The following HERC5 variants were observed in gnomAD, a reference collection of about 807,000 sequenced individuals.
HERC5 encodes HECT and RLD domain containing E3 ubiquitin protein ligase 5, also known as E3 ISG15--protein ligase HERC5.
Under a neutral mutation model 119.6 loss-of-function variants are expected in HERC5, and 99 were observed. The observed-to-expected ratio is 0.83, with a 90% CI of 0.70 to 0.98. HERC5 has a LOEUF of 0.98. Ranked by LOEUF, HERC5 falls within the 50% of genes least tolerant of loss-of-function variation. The pLI is 0.00. For synonymous variants in HERC5, 478 were observed against 445.9 expected, an observed-to-expected ratio of 1.07 and a Z score of -0.91; for missense variants, 1,267 against 1,241.3, an observed-to-expected ratio of 1.02 and a Z score of -0.31.
chr4:88,504,272 G>A lies in HERC5; in HGVS notation c.2623G>A (p.Asp875Asn), dbSNP rs1742038627. The A allele has an allele frequency of 2.5e-6, 4 of 1,608,098 alleles. No homozygotes were observed. Among genetic ancestry groups the A allele is most frequent in the East Asian group, 2.2e-5 (1 of 44,806 alleles). Reference sequence around the variant, plus strand: ...TAAGTATATCAATTACATTTTCAACGACTCTGTAAAGGCGGTTTATGAAGA... The same window carrying A: ...TAAGTATATCAATTACATTTTCAACAACTCTGTAAAGGCGGTTTATGAAGA... ...VSKYINYIFN[D>N]SVKAVYEEFR... is the part of the protein sequence containing the mutation. The change falls in exon 21 of 23, where the codon GAC (aspartate) becomes AAC (asparagine). Residue 875 changes from aspartate to asparagine, a missense_variant. Around this residue, in one of 3 missense-constraint regions of HERC5, gnomAD observed 473 missense variants for 445.7 expected, o/e 1.06. Transcript: ENST00000264350.
In HERC5 at chr4:88,489,294, G is replaced by A; in HGVS notation, c.2091G>A (p.Gln697=). ...ACTTGATTGAGGATGTTTTGAATCA[G>A]CTAAGTCAATTTGAGAATGAAGACC... ...RNHLIEDVLN[Q]LSQFENEDLR... The change falls in exon 16 of 23, where the codon CAG becomes CAA. Residue 697 remains glutamine, a synonymous_variant. Coordinates refer to ENST00000264350, the MANE Select transcript of HERC5 (RefSeq NM_016323.4). 2 of 1,613,824 alleles carry A rather than the reference G, an allele frequency of 1.2e-6. No homozygotes were observed. The highest frequency in any genetic ancestry group is 1.7e-6 in the Non-Finnish European group (2 of 1,179,866).
chr4:88,459,473 AG>A lies in HERC5; in HGVS notation c.389+6del. ...AACTATAGCATGAAACATCTAAGGT[AG>A]GGAACTTTTTTCTTTTATTAAAAAT... On this transcript the variant is annotated splice_donor_region_variant and intron_variant, in intron 2 of 22. Coordinates refer to ENST00000264350, the MANE Select transcript of HERC5 (RefSeq NM_016323.4). 6.6e-7 allele frequency: 1 copy of A among 1,524,814 alleles called. No homozygotes were observed. Among genetic ancestry groups the A allele is most frequent in the Non-Finnish European group, 8.8e-7 (1 of 1,138,356 alleles). The allele number at this position is 1,524,814 out of a possible 1,614,324, so 94.5% of individuals were successfully genotyped here. A position where few individuals can be genotyped will look rare whatever the true frequency, so the allele number is the denominator to read the frequency against.
At chr4:88,485,103 A>G (rs1220130875) in intron 13 of HERC5, among the ~76,000 whole-genome samples, 2 of 152,154 alleles carry the variant, frequency 1.3e-5, no homozygotes, top group African/African-American at 2.4e-5. Context: ...AAAATGAGAA[A>G]TTTATTGAAG....
At chr4:88,471,214 C>G (rs965156843) in intron 10 of HERC5, among the ~76,000 whole-genome samples, 2 of 152,132 alleles carry the variant, frequency 1.3e-5, no homozygotes, top group African/African-American at 2.4e-5. Flanking sequence ...AGGCAATCTA[C>G]CAGCCTTGGC....
intron 12 of HERC5, among the ~76,000 whole-genome samples, chr4:88,477,474 G>A (rs1485748992): frequency 9.8e-6 from 1 of 102,418 alleles, no homozygotes; most frequent in Non-Finnish European, 2.0e-5. Context: ...GAACGGAAAG[G>A]AAGGGGGAGG....
rs762946617 is a variant in HERC5 at position 88,479,417 on chromosome 4, C to T, written c.1647C>T (p.Ala549=). 2.5e-5 allele frequency: 41 copies of T among 1,612,968 alleles called. No homozygotes were observed. The highest frequency in any genetic ancestry group is 5.9e-6 in the Non-Finnish European group (7 of 1,179,606). ...FSKLVQMFKT[A]VICQLDYWDE... The stretch of plus-strand genomic sequence containing the variant: ...AACTGGTCCAGATGTTTAAAACAGC[C>T]GTCATATGCCAGTTGGATTACTGGG... Residue 549 remains alanine, a synonymous_variant, in exon 13 of 23, where the codon GCC becomes GCT. Coordinates refer to ENST00000264350, the MANE Select transcript of HERC5 (RefSeq NM_016323.4).
At chr4:88,482,666 C>G (rs772402846) in intron 13 of HERC5, among the ~76,000 whole-genome samples, 1 of 152,160 alleles carries the variant, frequency 6.6e-6, no homozygotes, top group Non-Finnish European at 1.5e-5. Flanking sequence ...TAGACAGGTC[C>G]CCCTGGCCCT....
rs17014143 is a variant in HERC5 at position 88,463,975 on chromosome 4, G to T, written c.901G>T (p.Ala301Ser). 2 of 1,612,684 alleles carry T rather than the reference G, an allele frequency of 1.2e-6. No homozygotes were observed. The highest frequency in any genetic ancestry group is 2.2e-5 in the South Asian group (2 of 90,836). The change falls in exon 6 of 23, where the codon GCA (alanine) becomes TCA (serine). Residue 301 changes from alanine to serine, a missense_variant. Physicochemically the swap from Ala to Ser is moderately conservative, Grantham distance 99 (BLOSUM62 1). Coordinates refer to ENST00000264350, the MANE Select transcript of HERC5 (RefSeq NM_016323.4). ...ELVGYRVTQI[A>S]CGRWHTLAYV... The stretch of plus-strand genomic sequence containing the variant: ...TGTTGGGTATAGAGTGACTCAGATA[G>T]CATGTGGAAGGTAAGTTGTAAAGTA...
chr4:88,462,201 C>T lies in HERC5; in HGVS notation c.533C>T (p.Ser178Leu), dbSNP rs371788516. Residue 178 changes from serine (S) to leucine (L), a missense_variant, in exon 4 of 23, where the codon TCA (serine) becomes TTA (leucine). Around this residue, in one of 3 missense-constraint regions of HERC5, gnomAD observed 777 missense variants for 758.0 expected, o/e 1.03. Coordinates refer to ENST00000264350, the MANE Select transcript of HERC5 (RefSeq NM_016323.4). Reference protein sequence around the residue: ...GQLGVGRKFPSTTTPQIVEHL... With the variant: ...GQLGVGRKFPLTTTPQIVEHL... ...CTTGGAGTTGGAAGGAAATTTCCCT[C>T]AACCACCACACCACAGATTGTGGAG... The T allele has an allele frequency of 1.9e-6, 3 of 1,614,146 alleles. No individual in the cohort carries two copies. The highest frequency in any genetic ancestry group is 2.5e-6 in the Non-Finnish European group (3 of 1,180,026).
In HERC5 at chr4:88,470,623, A is replaced by G. The variant is rs763639462; in HGVS notation, c.1248A>G (p.Gln416=). 1 of 1,511,310 alleles carries G rather than the reference A, an allele frequency of 6.6e-7. No homozygotes were observed. The highest frequency in any genetic ancestry group is 9.2e-7 in the Non-Finnish European group (1 of 1,091,650). 93.6% of individuals were successfully genotyped at this position (1,511,310 alleles called of 1,614,324 possible). ...CTTATTACTAATATAGGGAAATCCA[A>G]GAGATATTTTCATCTCCTGCTTGTC... ...KRWQSTKREI[Q]EIFSSPACLT... is the part of the protein sequence containing the mutation. Residue 416 remains glutamine, a synonymous_variant, in exon 10 of 23, where the codon CAA becomes CAG. Transcript: ENST00000264350.
intron 13 of HERC5, among the ~76,000 whole-genome samples, chr4:88,483,426 T>G (rs1202086542): frequency 6.6e-6 from 1 of 152,090 alleles, no homozygotes; most frequent in Non-Finnish European, 1.5e-5. Context: ...CAGGCTGGTC[T>G]TGAGCTCCTG....
At chr4:88,464,085 A>G in intron 6 of HERC5, 100 bp downstream of exon 6, 1 of 992,358 alleles carries the variant, frequency 1.0e-6, no homozygotes, top group South Asian at 2.3e-5. Context: ...TGTATCAAAC[A>G]TTTTCAAATC....
intron 11 of HERC5, among the ~76,000 whole-genome samples, chr4:88,472,706 T>C (rs538006100): frequency 1.3e-5 from 2 of 152,254 alleles, no homozygotes; most frequent in South Asian, 2.1e-4. Flanking sequence ...GTTACAGATA[T>C]TCTAAATAGT....
At chr4:88,502,068 G>A (rs1332429115) in intron 20 of HERC5, among the ~76,000 whole-genome samples, 1 of 152,182 alleles carries the variant, frequency 6.6e-6, no homozygotes, top group Non-Finnish European at 1.5e-5. Context: ...AAAGTGCTGG[G>A]ATTACAGGCG....
rs1742039970 is a variant in HERC5, at chr4:88,504,316, T to C, written c.2667T>C (p.Tyr889=). The change falls in exon 21 of 23, where the codon TAT becomes TAC. Residue 889 remains tyrosine (Y), a synonymous_variant. Transcript: ENST00000264350. ...AVYEEFRRGF[Y]KMCDEDIIKL... is the part of the protein sequence containing the mutation. Reference sequence around the variant, plus strand: ...ATGAAGAATTTCGGAGAGGATTTTATAAAATGTGCGACGAAGACATTATCA... The same window carrying C: ...ATGAAGAATTTCGGAGAGGATTTTACAAAATGTGCGACGAAGACATTATCA... 6.2e-7 allele frequency: 1 copy of C among 1,613,334 alleles called. No individual in the cohort carries two copies. The highest frequency in any genetic ancestry group is 8.5e-7 in the Non-Finnish European group (1 of 1,179,368).
At chr4:88,478,810 C>G (rs1429184085) in intron 12 of HERC5, among the ~76,000 whole-genome samples, 1 of 152,024 alleles carries the variant, frequency 6.6e-6, no homozygotes. Context: ...CCGAGTTTCT[C>G]TATGTTGCCC....
At position 88,479,508 on chromosome 4, in the gene HERC5, G is replaced by A; in HGVS notation, c.1737+1G>A. 1 of 1,563,664 alleles carries A rather than the reference G, an allele frequency of 6.4e-7. No homozygotes were observed. Among genetic ancestry groups the A allele is most frequent in the Non-Finnish European group, 8.6e-7 (1 of 1,160,388 alleles). The stretch of plus-strand genomic sequence containing the variant: ...AGAAATGTTGAAGAAGCTGCACAGG[G>A]TAAGAGTTCCTTTAGAAACCTCTGT... On this transcript the variant is annotated splice_donor_variant, in intron 13 of 22. Coordinates refer to ENST00000264350, the MANE Select transcript of HERC5 (RefSeq NM_016323.4). LOFTEE classifies it high-confidence loss of function.
In HERC5 at chr4:88,469,199, G is replaced by A. The variant is rs1206625081; in HGVS notation, c.1177G>A (p.Glu393Lys). The A allele has an allele frequency of 6.2e-7, 1 of 1,613,338 alleles. No individual in the cohort carries two copies. Among genetic ancestry groups the A allele is most frequent in the Admixed American group, 1.7e-5 (1 of 59,974 alleles). Residue 393 changes from glutamate to lysine, a missense_variant, in exon 9 of 23, where the codon GAA becomes AAA. This residue lies in a region of HERC5 where 777 missense variants were observed against 758.0 expected (regional missense o/e 1.03). Coordinates refer to ENST00000264350, the MANE Select transcript of HERC5 (RefSeq NM_016323.4). ...NLKRTIPTLNEGTVKRWIADV... is the reference protein window; with the variant it reads ...NLKRTIPTLNKGTVKRWIADV... ...GAAGAGGACAATTCCTACTCTGAAT[G>A]AAGGGACTGTAAAGAGATGGATTGC...
At chr4:88,487,285 A>C in intron 15 of HERC5, 106 bp downstream of exon 15, 1 of 601,430 alleles carries the variant, frequency 1.7e-6, no homozygotes. Context: ...AGTGAAACCA[A>C]TGGTTGTGGC....
Sources: gnomAD v4.1 joint callset for allele counts (sites outside exome capture counted in the v4.1 genomes callset) on GRCh38, gnomAD v4.1.1 for gene constraint, gnomAD v4.1.1 regional missense constraint, MANE v1.5 for transcripts, NCBI Gene and HGNC (gene_info 2026-07-23, HGNC 2026-07-21) for gene names.